POGZ: variants seen among roughly 807,000 people sequenced by gnomAD.
POGZ encodes the protein pogo transposable element derived with ZNF domain.
Under a neutral mutation model 134.6 loss-of-function variants are expected in POGZ, and 17 were observed. That is an observed-to-expected ratio of 0.13 (90% CI 0.09 to 0.19). The LOEUF (loss-of-function observed/expected upper bound fraction) is 0.19. Ranked by LOEUF, POGZ falls within the 10% of genes least tolerant of loss-of-function variation. The probability of loss-of-function intolerance (pLI) is 1.00; values close to 1 mark genes in which losing one functional copy is unlikely to be tolerated. For missense variants in POGZ, 1,306 were observed against 1,769.7 expected (o/e 0.74, Z 4.70); for synonymous variants, 693 against 657.1 (o/e 1.05, Z -0.84).
chr1:151,433,469 G>A (rs890790037), intron 3 of POGZ, among the ~76,000 whole-genome samples: 6 of 151,856 alleles, frequency 4.0e-5, no homozygotes, highest in Admixed American at 2.0e-4. Context: ...CTAGCCAGGC[G>A]TAGTGGCGCA....
At chr1:151,422,865 T>C (rs1657166130) in intron 10 of POGZ, among the ~76,000 whole-genome samples, 1 of 152,218 alleles carries the variant, frequency 6.6e-6, no homozygotes, top group Non-Finnish European at 1.5e-5. Context: ...GTGTTGGGAT[T>C]ACAGGCGTGA....
intron 1 of POGZ, among the ~76,000 whole-genome samples, chr1:151,442,972 G>A (rs1427669483): frequency 6.6e-6 from 1 of 152,034 alleles, no homozygotes; most frequent in Non-Finnish European, 1.5e-5. Flanking sequence ...AGAGGTTGCA[G>A]TGAGCCAAGA....
Position 151,406,756 on chromosome 1 carries a change from T to A in POGZ, c.2546-125A>T, listed in dbSNP as rs1653723143. ...TTCGCAGTGACCAGCTTTCCCAGTT[T>A]TATATAAACTTCAGGTCGGAAGGTT... is the stretch of plus-strand genomic sequence containing the variant. On this transcript the variant is annotated intron_variant, in intron 17 of 18. Transcript: ENST00000271715. 5 of 1,031,048 alleles carry A rather than the reference T, an allele frequency of 4.8e-6. No individual in the cohort carries two copies. In the African/African-American group the frequency reaches 8.0e-5, roughly 17 times the overall value. The allele number at this position is 1,031,048 out of a possible 1,614,324, so 63.9% of individuals were successfully genotyped here.
chr1:151,419,684 A>AAC (rs1656532440), intron 10 of POGZ, among the ~76,000 whole-genome samples: 2 of 148,462 alleles, frequency 1.3e-5, no homozygotes, highest in African/African-American at 5.1e-5. Context: ...AAAAAAAAAA[A>AAC]AAAAAAAAAA....
chr1:151,450,296 G>A (rs1444600644), intron 1 of POGZ, among the ~76,000 whole-genome samples: 1 of 151,698 alleles, frequency 6.6e-6, no homozygotes, highest in East Asian at 1.9e-4. Flanking sequence ...CCTCCCCAAA[G>A]TGCTGGGATT....
At chr1:151,446,554 G>T (rs912376159) in intron 1 of POGZ, among the ~76,000 whole-genome samples, 20 of 151,872 alleles carry the variant, frequency 1.3e-4, no homozygotes, top group Non-Finnish European at 2.1e-4. Context: ...TTGAGAGTTC[G>T]AGACTAGCCT....
chr1:151,452,690 C>A (rs978410227), intron 1 of POGZ, among the ~76,000 whole-genome samples: 2 of 151,870 alleles, frequency 1.3e-5, no homozygotes, highest in African/African-American at 2.4e-5. Context: ...ACAGTGAAAC[C>A]CCGTCTCTAC....
chr1:151,414,611 T>C (rs562328436), intron 10 of POGZ, among the ~76,000 whole-genome samples: 45 of 152,246 alleles, frequency 3.0e-4, no homozygotes, highest in Non-Finnish European at 5.9e-4. Context: ...GGAGAAACCC[T>C]GTCTCTACTA....
chr1:151,429,592 T>G lies in POGZ; in HGVS notation c.568+11A>C. 1 of 1,444,908 alleles carries G rather than the reference T, an allele frequency of 6.9e-7. No homozygotes were observed. The highest frequency in any genetic ancestry group is 9.7e-7 in the Non-Finnish European group (1 of 1,030,266). The allele number at this position is 1,444,908 out of a possible 1,614,324, so 89.5% of individuals were successfully genotyped here. A position where few individuals can be genotyped will look rare whatever the true frequency, so the allele number is the denominator to read the frequency against. On this transcript the variant is annotated intron_variant, in intron 5 of 18. Coordinates refer to ENST00000271715, the MANE Select transcript of POGZ (RefSeq NM_015100.4). ...CCAGTTTATTCCAAATGGATAGACA[T>G]TTTTCCTTACCTGGAACTAGTGTAA...
intron 5 of POGZ, among the ~76,000 whole-genome samples, chr1:151,429,178 T>C (rs1658287666): frequency 6.6e-6 from 1 of 151,616 alleles, no homozygotes; most frequent in Non-Finnish European, 1.5e-5. Flanking sequence ...TATCTAGTCA[T>C]TGACAGTATT....
At chr1:151,453,787 G>A (rs576311508) in intron 1 of POGZ, among the ~76,000 whole-genome samples, 1 of 152,218 alleles carries the variant, frequency 6.6e-6, no homozygotes, top group Non-Finnish European at 1.5e-5. Flanking sequence ...TTAAATGCTG[G>A]CGAATATGGT....
Position 151,406,197 on chromosome 1 carries a change from A to G in POGZ, c.2838T>C (p.Asp946=). ...GTTCTTGGGTGACTGGGCTCCCTTC[A>G]TCCTGATCATCAACATTCAGACATT... ...GAECLNVDDQ[D]EGSPVTQEPE... is the part of the protein sequence containing the mutation. The change falls in exon 19 of 19, where the codon GAT becomes GAC. Residue 946 remains aspartate (D), a synonymous_variant. Transcript: ENST00000271715. The G allele has an allele frequency of 6.2e-7, 1 of 1,614,094 alleles. No homozygotes were observed. The highest frequency in any genetic ancestry group is 1.1e-5 in the South Asian group (1 of 91,072).
At chr1:151,439,385 C>T (rs1660152863) in intron 3 of POGZ, among the ~76,000 whole-genome samples, 2 of 152,046 alleles carry the variant, frequency 1.3e-5, no homozygotes, top group Non-Finnish European at 2.9e-5. Context: ...ATACTGAAAA[C>T]CTTTGGAAAT....
chr1:151,406,683 T>G lies in POGZ; in HGVS notation c.2546-52A>C, dbSNP rs777653018. The G allele has an allele frequency of 4.7e-6, 7 of 1,494,184 alleles. No individual in the cohort carries two copies. The East Asian group carries it at 1.6e-4, about 34-fold the overall frequency. The allele number at this position is 1,494,184 out of a possible 1,614,324, so 92.6% of individuals were successfully genotyped here. A position where few individuals can be genotyped will look rare whatever the true frequency, so the allele number is the denominator to read the frequency against. On this transcript the variant is annotated intron_variant, in intron 17 of 18. Coordinates refer to ENST00000271715, the MANE Select transcript of POGZ (RefSeq NM_015100.4). ...GTTAGCTCAGTGAAAAAATAAGCCC[T>G]CCAAAGACAGTGCCCTGGGATTCAA...
chr1:151,448,888 ACG>A (rs1661638520), intron 1 of POGZ, among the ~76,000 whole-genome samples: 2 of 152,074 alleles, frequency 1.3e-5, no homozygotes, highest in African/African-American at 4.8e-5. Flanking sequence ...ACAAACAAAC[ACG>A]CAAACAAACA....
At chr1:151,420,571 A>G (rs570256896) in intron 10 of POGZ, among the ~76,000 whole-genome samples, 1 of 152,198 alleles carries the variant, frequency 6.6e-6, no homozygotes, top group South Asian at 2.1e-4. Flanking sequence ...TCGGCCTCTC[A>G]AAGTGCTGAG....
intron 12 of POGZ, among the ~76,000 whole-genome samples, chr1:151,410,457 C>A (rs1182579735): frequency 1.3e-5 from 2 of 152,128 alleles, no homozygotes; most frequent in East Asian, 3.8e-4. Context: ...TTTGATCACA[C>A]CCTTTTCTTT....
Position 151,408,242 on chromosome 1 carries a change from TGTGGGG to T in POGZ, c.2235-8_2235-3del. 6.2e-7 allele frequency: 1 copy of T among 1,602,182 alleles called. No homozygotes were observed. The highest frequency in any genetic ancestry group is 1.8e-5 in the Admixed American group (1 of 55,750). On this transcript the variant is annotated splice_region_variant and splice_polypyrimidine_tract_variant and intron_variant, in intron 14 of 18. Transcript: ENST00000271715. ...CATGTCTGCCGGCCCATGACACTCC[TGTGGGG>T]GAAAAAAAAAAAGAATTCTCATTAC... is the stretch of plus-strand genomic sequence containing the variant.
intron 1 of POGZ, among the ~76,000 whole-genome samples, chr1:151,458,717 A>G (rs1214870195): frequency 7.4e-6 from 1 of 135,616 alleles, no homozygotes; most frequent in African/African-American, 2.7e-5. Context: ...CCAGCGGGCC[A>G]CCGCCCGCGC....
Sources: allele counts gnomAD v4.1 joint callset (sites outside exome capture counted in the v4.1 genomes callset), GRCh38; gene constraint gnomAD v4.1.1; transcripts MANE v1.5; gene names NCBI Gene and HGNC (gene_info 2026-07-23, HGNC 2026-07-21).